COL4A3: variants seen among roughly 807,000 people sequenced by gnomAD.
The protein encoded by COL4A3 is collagen alpha-3(IV) chain.
In COL4A3, 135 loss-of-function variants were observed where a neutral mutation model predicts 217.4. The ratio of observed to expected loss-of-function variants is 0.62; its 90% CI spans 0.54 to 0.72. The LOEUF is 0.72. Among genes scored for constraint, COL4A3 ranks in the 30% least tolerant of loss-of-function variants. The probability of loss-of-function intolerance (pLI) is 0.00; values close to 1 mark genes in which losing one functional copy is unlikely to be tolerated. For synonymous variants in COL4A3, 690 were observed against 736.3 expected (o/e 0.94, Z 1.02); for missense variants, 1,868 against 2,119.9 (o/e 0.88, Z 2.33).
At chr2:227,300,772 G>C (rs2073248478) in intron 43 of COL4A3, among the ~76,000 whole-genome samples, 1 of 152,198 alleles carries the variant, frequency 6.6e-6, no homozygotes, top group African/African-American at 2.4e-5. Flanking sequence ...CAGAGGAAGG[G>C]TATTTAATCC....
At position 227,251,185 on chromosome 2, in the gene COL4A3, G is replaced by A. The variant is rs1403052940; in HGVS notation, c.592G>A (p.Gly198Ser). ...TTTTCCTGGGCCTGTTGGCCCACCT[G>A]GTCCTCCGGGATTCTTTGTGAGTAT... ...PGFPGPVGPP[G>S]PPGFFGFPGA... The change falls in exon 10 of 52, where the codon GGT becomes AGT. Residue 198 changes from glycine (G) to serine (S), a missense_variant. By Grantham distance (56) the Gly-to-Ser change is moderately conservative (BLOSUM62 0). Around this residue, in one of 2 missense-constraint regions of COL4A3, gnomAD observed 365 missense variants for 333.8 expected, o/e 1.09. Transcript: ENST00000396578. The A allele has an allele frequency of 6.2e-7, 1 of 1,613,594 alleles. No homozygotes were observed. The highest frequency in any genetic ancestry group is 1.3e-5 in the African/African-American group (1 of 75,022).
In COL4A3 at chr2:227,304,019, G is replaced by C; in HGVS notation, c.4028G>C (p.Gly1343Ala). 6.2e-7 allele frequency: 1 copy of C among 1,614,216 alleles called. No homozygotes were observed. Among genetic ancestry groups the C allele is most frequent in the African/African-American group, 1.3e-5 (1 of 75,060 alleles). ...PGPIGPKGPP[G>A]VRGDPGTLKI... ...CTTCTTCTTATGTTTATGTCAACAG[G>C]TGTACGTGGAGACCCTGGCACACTT... Residue 1343 changes from glycine to alanine, a missense_variant and splice_region_variant, in exon 46 of 52, where the codon GGT becomes GCT. Transcript: ENST00000396578.
chr2:227,179,231 A>G (rs1285245774), intron 1 of COL4A3, among the ~76,000 whole-genome samples: 2 of 152,186 alleles, frequency 1.3e-5, no homozygotes, highest in East Asian at 1.9e-4. Context: ...GTTTACAGGC[A>G]TGAGACATCG....
intron 34 of COL4A3, 87 bp from the exon 35 acceptor site, chr2:227,289,063 G>A: frequency 2.1e-6 from 2 of 947,094 alleles, no homozygotes; most frequent in Non-Finnish European, 3.3e-6. Flanking sequence ...TGATTTTCCT[G>A]CCTCAGCCTC....
intron 50 of COL4A3, among the ~76,000 whole-genome samples, chr2:227,310,077 T>C (rs1489402270): frequency 2.0e-5 from 3 of 152,246 alleles, no homozygotes; most frequent in African/African-American, 7.2e-5. Flanking sequence ...GTGGAAAAGC[T>C]AGGATCTGAA....
intron 1 of COL4A3, among the ~76,000 whole-genome samples, chr2:227,231,525 C>T (rs1016178393): frequency 7.2e-5 from 11 of 151,818 alleles, no homozygotes; most frequent in Non-Finnish European, 1.3e-4. Flanking sequence ...TATCCAATTA[C>T]CTTTTTTTTT....
Position 227,266,439 on chromosome 2 carries a change from T to C in COL4A3, c.1338T>C (p.Gly446=). The part of the protein sequence containing the change: ...GPPGDIVFRK[G]PPGDHGLPGY... ...TAGGTGACATCGTTTTTCGCAAGGGTCCACCTGGAGATCACGGACTGCCAG... is the reference window on the plus strand; with the variant it reads ...TAGGTGACATCGTTTTTCGCAAGGGCCCACCTGGAGATCACGGACTGCCAG... The change falls in exon 22 of 52, where the codon GGT becomes GGC. Residue 446 remains glycine, a synonymous_variant. Coordinates refer to ENST00000396578, the MANE Select transcript of COL4A3 (RefSeq NM_000091.5). The C allele has an allele frequency of 6.2e-7, 1 of 1,614,042 alleles. No homozygotes were observed. Among genetic ancestry groups the C allele is most frequent in the South Asian group, 1.1e-5 (1 of 91,076 alleles).
intron 1 of COL4A3, among the ~76,000 whole-genome samples, chr2:227,194,210 A>G (rs571641495): frequency 7.3e-4 from 111 of 152,332 alleles, no homozygotes; most frequent in Middle Eastern, 3.4e-3. Context: ...CACACTCACA[A>G]TTGGATAATT....
intron 1 of COL4A3, among the ~76,000 whole-genome samples, chr2:227,200,008 C>T (rs1042871531): frequency 4.6e-5 from 7 of 152,160 alleles, no homozygotes; most frequent in Admixed American, 3.9e-4. Flanking sequence ...GACCTAATCA[C>T]AGAAAGCTAG....
intron 26 of COL4A3, among the ~76,000 whole-genome samples, chr2:227,274,457 CAAAT>C (rs1325562258): frequency 1.3e-5 from 2 of 150,392 alleles, no homozygotes; most frequent in Non-Finnish European, 3.0e-5. Flanking sequence ...ATTAAATAAA[CAAAT>C]AAATATTTAT....
chr2:227,294,937 T>G, intron 39 of COL4A3, 27 bp from the exon 40 acceptor site: 3 of 1,456,250 alleles, frequency 2.1e-6, no homozygotes, highest in Non-Finnish European at 2.8e-6. Flanking sequence ...TAGTTTGGGG[T>G]TTTTGGGTTT....
At chr2:227,181,572 CTCA>C (rs2065868349) in intron 1 of COL4A3, among the ~76,000 whole-genome samples, 1 of 152,042 alleles carries the variant, frequency 6.6e-6, no homozygotes, top group Non-Finnish European at 1.5e-5. Flanking sequence ...AAAATAACTC[CTCA>C]TATTAGAACC....
chr2:227,187,106 G>C (rs1267836909), intron 1 of COL4A3, among the ~76,000 whole-genome samples: 1 of 152,174 alleles, frequency 6.6e-6, no homozygotes, highest in East Asian at 1.9e-4. Context: ...ATGATGAACA[G>C]TAATTCATTT....
At position 227,195,957 on chromosome 2, in the gene COL4A3, A is replaced by G. The variant is rs186512625; in HGVS notation, c.87+31144A>G. On this transcript the variant is annotated intron_variant, in intron 1 of 51. Coordinates refer to ENST00000396578, the MANE Select transcript of COL4A3 (RefSeq NM_000091.5). The stretch of plus-strand genomic sequence containing the variant: ...ACAATAAATAAATAAACAATTTAAA[A>G]ATAGAAAAAAGCTTATAGAATAAGG... Among the ~76,000 whole-genome samples, 1,303 of 152,282 alleles carry G rather than the reference A, an allele frequency of 8.6e-3. 14 individuals carry two copies. The highest frequency in any genetic ancestry group is 0.017 in the Admixed American group (261 of 15,302).
At position 227,282,325 on chromosome 2, in the gene COL4A3, A is replaced by T. The variant is rs1388082706; in HGVS notation, c.2489-40A>T. 1.3e-6 allele frequency: 2 copies of T among 1,484,168 alleles called. No individual in the cohort carries two copies. Among genetic ancestry groups the T allele is most frequent in the Non-Finnish European group, 1.9e-6 (2 of 1,072,406 alleles). 91.9% of individuals were successfully genotyped at this position (1,484,168 alleles called of 1,614,324 possible). A position where few individuals can be genotyped will look rare whatever the true frequency, so the allele number is the denominator to read the frequency against. On this transcript the variant is annotated intron_variant, in intron 31 of 51. Coordinates refer to ENST00000396578, the MANE Select transcript of COL4A3 (RefSeq NM_000091.5). The surrounding 1 kb of genome is among the most constrained non-coding windows in gnomAD (Gnocchi z 4.4). Reference sequence around the variant, plus strand: ...ATTTCTGAAGTTAGTAGGGGAAAGCATTTGTGGGTTAATTAATTCATTCAT... The same window carrying T: ...ATTTCTGAAGTTAGTAGGGGAAAGCTTTTGTGGGTTAATTAATTCATTCAT...
chr2:227,293,230 G>T lies in COL4A3; in HGVS notation c.3250G>T (p.Glu1084Ter), dbSNP rs1192750535. The T allele has an allele frequency of 1.9e-6, 3 of 1,613,886 alleles. No homozygotes were observed. The African/African-American group carries it at 4.0e-5, about 22-fold the overall frequency. ...GLPGDMGKKG[E>*]MGQPGPPGHL... is the part of the protein sequence containing the mutation. ...GCCGGGTGATATGGGAAAGAAAGGA[G>T]AAATGGGGCAACCTGGCCCACCTGG... The change falls in exon 38 of 52, where the codon GAA becomes TAA. Residue 1084 changes from glutamate (E) to a stop codon, truncating the protein, a stop_gained. Transcript: ENST00000396578. LOFTEE classifies it high-confidence loss of function.
intron 8 of COL4A3, among the ~76,000 whole-genome samples, chr2:227,247,950 AT>A (rs933411801): frequency 4.6e-5 from 7 of 151,804 alleles, no homozygotes; most frequent in Non-Finnish European, 7.4e-5. Flanking sequence ...TAAATTTTTT[AT>A]TTTTTTGAGA....
chr2:227,191,502 G>A lies in COL4A3; in HGVS notation c.87+26689G>A, dbSNP rs13419630. Among the ~76,000 whole-genome samples the A allele has an allele frequency of 0.11, 17,232 of 152,124 alleles. 1,082 individuals carry two copies. Among genetic ancestry groups the A allele is most frequent in the Non-Finnish European group, 0.13 (9,044 of 67,996 alleles). ...GAATGGCTCCATCCACGGTGCATTT[G>A]TGGAGCTCCCCTGTTGGCCATTCCC... On this transcript the variant is annotated intron_variant, in intron 1 of 51. Coordinates refer to ENST00000396578, the MANE Select transcript of COL4A3 (RefSeq NM_000091.5). The surrounding 1 kb of genome is among the most constrained non-coding windows in gnomAD (Gnocchi z 6.8).
At chr2:227,280,856 C>G in intron 30 of COL4A3, 37 bp from the exon 31 acceptor site, 6 of 1,427,578 alleles carry the variant, frequency 4.2e-6, no homozygotes, top group Non-Finnish European at 5.8e-6. Flanking sequence ...ACCTTAAGTT[C>G]TAGCACCTGG....
Sources: allele counts gnomAD v4.1 joint callset (sites outside exome capture counted in the v4.1 genomes callset), GRCh38; gene constraint gnomAD v4.1.1; regional missense constraint gnomAD v4.1.1; non-coding constraint Gnocchi (gnomAD v3.1); transcripts MANE v1.5; gene names NCBI Gene and HGNC (gene_info 2026-07-23, HGNC 2026-07-21).